CSGALNACT1: variants seen among roughly 807,000 people sequenced by gnomAD.
CSGALNACT1 encodes the protein beta4GalNAcT-1.
A neutral mutation model predicts 51.0 loss-of-function variants in CSGALNACT1; 52 were observed. The observed-to-expected ratio is 1.02, with a 90% confidence interval of 0.82 to 1.29. The LOEUF (loss-of-function observed/expected upper bound fraction) is 1.29. Ranked by LOEUF, CSGALNACT1 falls within the 50% of genes most tolerant of loss-of-function variation. CSGALNACT1 has a pLI of 0.00. For synonymous variants in CSGALNACT1, 341 were observed against 254.4 expected (o/e 1.34, Z -3.24); for missense variants, 935 against 679.2 (o/e 1.38, Z -4.19).
At chr8:19,714,315 A>C (rs1161960027) in intron 1 of CSGALNACT1, among the ~76,000 whole-genome samples, 1 of 148,766 alleles carries the variant, frequency 6.7e-6, no homozygotes, top group Non-Finnish European at 1.5e-5. Flanking sequence ...CAACTGTTGG[A>C]GTATAACATA....
At chr8:19,651,349 C>T (rs1216947566) in intron 1 of CSGALNACT1, among the ~76,000 whole-genome samples, 1 of 152,064 alleles carries the variant, frequency 6.6e-6, no homozygotes, top group Non-Finnish European at 1.5e-5. Flanking sequence ...ATTCTGTACA[C>T]AGATTATTTC....
intron 1 of CSGALNACT1, among the ~76,000 whole-genome samples, chr8:19,676,579 T>C (rs961189345): frequency 2.6e-5 from 4 of 152,152 alleles, no homozygotes; most frequent in African/African-American, 9.7e-5. Context: ...ACTTGTGGAA[T>C]GATACCAAAA....
chr8:19,542,041 T>TA lies in CSGALNACT1; in HGVS notation c.-296-35912dup, dbSNP rs564728667. 5.3e-5 allele frequency among the ~76,000 whole-genome samples: 8 copies of TA among 152,274 alleles called. No individual in the cohort carries two copies. In the South Asian group the frequency reaches 1.5e-3, roughly 28 times the overall value. On this transcript the variant is annotated intron_variant, in intron 3 of 9. Coordinates refer to ENST00000454498, the Ensembl canonical transcript of CSGALNACT1. ...ACTTTGGCATGGATAGATCTTATGATAAAAAATATTCTCTAACCAAGGAGA... is the reference window on the plus strand; with the variant it reads ...ACTTTGGCATGGATAGATCTTATGATAAAAAAATATTCTCTAACCAAGGAGA...
intron 3 of CSGALNACT1, among the ~76,000 whole-genome samples, chr8:19,570,738 A>G (rs1318217728): frequency 2.0e-5 from 3 of 152,144 alleles, no homozygotes; most frequent in Non-Finnish European, 4.4e-5. Flanking sequence ...CATGTCTACT[A>G]AAAACACAAA....
chr8:19,511,186 C>A (rs4921656), intron 3 of CSGALNACT1, among the ~76,000 whole-genome samples: 47,878 of 152,156 alleles, frequency 0.31, 9,971 homozygotes, highest in African/African-American at 0.6. Context: ...GTGATAAAGG[C>A]AACTATTCAA....
At chr8:19,524,433 T>C (rs2081287243) in intron 3 of CSGALNACT1, among the ~76,000 whole-genome samples, 1 of 152,208 alleles carries the variant, frequency 6.6e-6, no homozygotes, top group African/African-American at 2.4e-5. Context: ...ATGCCTAATT[T>C]TTTTTTCTAG....
chr8:19,592,080 G>A (rs182184069), intron 2 of CSGALNACT1, among the ~76,000 whole-genome samples: 9 of 152,150 alleles, frequency 5.9e-5, no homozygotes, highest in African/African-American at 1.7e-4. Flanking sequence ...AAAAGATTGT[G>A]TACTTCAAAA....
Position 19,549,656 on chromosome 8 carries a change from CTTTT to C in CSGALNACT1, c.-297+41500_-297+41503del, listed in dbSNP as rs542956513. Reference sequence around the variant, plus strand: ...TTTCTTCACTTTCCCCAATTTCCTACTTTTTTTTTTTTTTTTTTTTTTTTGGCGT... The same window carrying C: ...TTTCTTCACTTTCCCCAATTTCCTACTTTTTTTTTTTTTTTTTTTTGGCGT... On this transcript the variant is annotated intron_variant, in intron 3 of 9. Transcript: ENST00000454498. Among the ~76,000 whole-genome samples, 9 of 83,460 alleles carry C rather than the reference CTTTT, an allele frequency of 1.1e-4. No homozygotes were observed. In the South Asian group the frequency reaches 1.9e-3, roughly 18 times the overall value. The allele number at this position is 83,460 out of a possible 152,430, so 54.8% of individuals were successfully genotyped here.
chr8:19,618,653 A>AAAGAAAGAAAG (rs1564273027), intron 1 of CSGALNACT1, among the ~76,000 whole-genome samples: 34 of 91,376 alleles, frequency 3.7e-4, no homozygotes, highest in African/African-American at 2.0e-3. Flanking sequence ...AAAAAAAAAA[A>AAAGAAAGAAAG]AAAGAAAGAA....
At chr8:19,481,398 A>G (rs1001405505) in intron 4 of CSGALNACT1, among the ~76,000 whole-genome samples, 4 of 152,158 alleles carry the variant, frequency 2.6e-5, no homozygotes, top group Admixed American at 6.5e-5. Flanking sequence ...TCTTGACTAC[A>G]TCCTAGGGCC....
At chr8:19,504,841 T>C (rs755725396) in intron 4 of CSGALNACT1, among the ~76,000 whole-genome samples, 2 of 152,222 alleles carry the variant, frequency 1.3e-5, no homozygotes, top group African/African-American at 2.4e-5. Flanking sequence ...CGTGTTATTA[T>C]TCTGTTCATG....
intron 1 of CSGALNACT1, among the ~76,000 whole-genome samples, chr8:19,696,470 G>A (rs1414252848): frequency 1.3e-5 from 2 of 152,174 alleles, no homozygotes; most frequent in South Asian, 2.1e-4. Context: ...GAAACACCAC[G>A]ATGCAGATGT....
chr8:19,614,122 A>G lies in CSGALNACT1; in HGVS notation c.-543-12257T>C, dbSNP rs60086960. Among the ~76,000 whole-genome samples the G allele has an allele frequency of 9.9e-3, 1,508 of 152,308 alleles. 19 individuals carry two copies. The highest frequency in any genetic ancestry group is 0.034 in the African/African-American group (1,414 of 41,564). ...CTTTGAAATCTGTCACATTTGTGTA[A>G]TACTCTTAATGCCCCCTTTTAAAAA... is the stretch of plus-strand genomic sequence containing the variant. On this transcript the variant is annotated intron_variant, in intron 1 of 9. Transcript: ENST00000332246.
chr8:19,734,750 G>A (rs78248243), intron 1 of CSGALNACT1, among the ~76,000 whole-genome samples: 2,833 of 152,142 alleles, frequency 0.019, 46 homozygotes, highest in Non-Finnish European at 0.029. Context: ...ATGGCAGACC[G>A]GATAGCTGAA....
chr8:19,423,872 G>T (rs1161394708), intron 6 of CSGALNACT1, among the ~76,000 whole-genome samples: 1 of 152,180 alleles, frequency 6.6e-6, no homozygotes, highest in Admixed American at 6.5e-5. Context: ...TTCACTTCAT[G>T]TGTCCACAGG....
At chr8:19,612,889 T>C (rs1438807404) in intron 1 of CSGALNACT1, among the ~76,000 whole-genome samples, 1 of 137,348 alleles carries the variant, frequency 7.3e-6, no homozygotes, top group Non-Finnish European at 1.5e-5. Flanking sequence ...TTGTAAACCA[T>C]TTCAGCACCC....
intron 3 of CSGALNACT1, among the ~76,000 whole-genome samples, chr8:19,524,910 GAA>G (rs2081370784): frequency 6.6e-6 from 1 of 152,200 alleles, no homozygotes; most frequent in African/African-American, 2.4e-5. Flanking sequence ...AATAAAGAGA[GAA>G]AGAGAGACAC....
At chr8:19,682,719 C>T (rs1166943369), upstream of CSGALNACT1, 13 of 453,996 alleles carry the variant, frequency 2.9e-5, no homozygotes, top group Non-Finnish European at 5.7e-5. Flanking sequence ...GGGGCCACAC[C>T]AATGCACAGC....
chr8:19,723,154 T>C (rs1041986766), intron 1 of CSGALNACT1, among the ~76,000 whole-genome samples: 3 of 152,380 alleles, frequency 2.0e-5, no homozygotes, highest in African/African-American at 7.2e-5. Flanking sequence ...TTTTGGGCTC[T>C]GGCCCAAAGA....
Sources: gnomAD v4.1 joint callset for allele counts (sites outside exome capture counted in the v4.1 genomes callset) on GRCh38, gnomAD v4.1.1 for gene constraint, MANE v1.5 for transcripts, NCBI Gene and HGNC (gene_info 2026-07-23, HGNC 2026-07-21) for gene names.